The following BRD4 variants were observed in gnomAD, a reference collection of about 807,000 sequenced individuals.
The protein encoded by BRD4 is bromodomain containing 4, also known as bromodomain-containing protein 4.
Under a neutral mutation model 142.1 loss-of-function variants are expected in BRD4, and 16 were observed. The ratio of observed to expected loss-of-function variants is 0.11; its 90% CI spans 0.08 to 0.17. BRD4 has a LOEUF of 0.17. BRD4 is among the 10% of genes least tolerant of loss of function. The pLI, the probability that BRD4 is intolerant of heterozygous loss-of-function variation, is 1.00. For synonymous variants in BRD4, 833 were observed against 707.5 expected (o/e 1.18, Z -2.82); for missense variants, 1,424 against 1,810.9 (o/e 0.79, Z 3.88).
At position 15,272,845 on chromosome 19, in the gene BRD4, C is replaced by T. The variant is rs1278427255; in HGVS notation, c.255G>A (p.Gln85=). Residue 85 remains glutamine, a synonymous_variant, in exon 2 of 20, where the codon CAG becomes CAA. Transcript: ENST00000679869. The part of the protein sequence containing the change: ...WKHQFAWPFQ[Q]PVDAVKLNLP... ...GGTTCAGCTTGACGGCATCCACAGGCTGCTGGAAAGGCCATGCAAACTGGT... is the reference window on the plus strand; with the variant it reads ...GGTTCAGCTTGACGGCATCCACAGGTTGCTGGAAAGGCCATGCAAACTGGT... 3.1e-6 allele frequency: 5 copies of T among 1,613,988 alleles called. No individual in the cohort carries two copies. The Admixed American group carries it at 6.7e-5, about 22-fold the overall frequency.
intron 1 of BRD4, among the ~76,000 whole-genome samples, chr19:15,320,979 A>G (rs1250637758): frequency 1.3e-5 from 2 of 152,208 alleles, no homozygotes; most frequent in Admixed American, 1.3e-4. Context: ...CACGCCTGTA[A>G]TCCCAACACT....
intron 8 of BRD4, 49 bp downstream of exon 8, chr19:15,256,915 C>T (rs2145575390): frequency 6.7e-7 from 1 of 1,490,348 alleles, no homozygotes. Flanking sequence ...GGAGGCCACC[C>T]TGGTCCACGG....
At chr19:15,322,534 C>A (rs1345681855) in intron 1 of BRD4, among the ~76,000 whole-genome samples, 5 of 149,652 alleles carry the variant, frequency 3.3e-5, no homozygotes, top group African/African-American at 1.2e-4. Context: ...ACGGTGAAAC[C>A]CCGTCTCTAC....
At position 15,286,364 on chromosome 19, in the gene BRD4, A is replaced by T. The variant is rs563300297; in HGVS notation, c.-34-13231T>A. Reference sequence around the variant, plus strand: ...GCACAGAAGACGAGAAAGAGACTTCAGCAGCAGAGACAGGGAAGTAATAGG... The same window carrying T: ...GCACAGAAGACGAGAAAGAGACTTCTGCAGCAGAGACAGGGAAGTAATAGG... On this transcript the variant is annotated intron_variant, in intron 1 of 19. Coordinates refer to ENST00000679869, the MANE Select transcript of BRD4 (RefSeq NM_001379291.1). Among the ~76,000 whole-genome samples, 121 of 152,330 alleles carry T rather than the reference A, an allele frequency of 7.9e-4. 1 individual carries two copies. The highest frequency in any genetic ancestry group is 2.2e-3 in the African/African-American group (93 of 41,556).
intron 1 of BRD4, among the ~76,000 whole-genome samples, chr19:15,292,128 C>G (rs1016706328): frequency 6.6e-6 from 1 of 152,182 alleles, no homozygotes; most frequent in Non-Finnish European, 1.5e-5. Flanking sequence ...TATGTTCCAC[C>G]TTTAATTGGG....
At chr19:15,310,761 C>T (rs922111186) in intron 1 of BRD4, among the ~76,000 whole-genome samples, 1 of 151,256 alleles carries the variant, frequency 6.6e-6, no homozygotes, top group Non-Finnish European at 1.5e-5. Context: ...TCCCAAAGTG[C>T]TAGGATTACA....
At chr19:15,294,114 T>A (rs2047804921) in intron 1 of BRD4, among the ~76,000 whole-genome samples, 1 of 152,192 alleles carries the variant, frequency 6.6e-6, no homozygotes, top group South Asian at 2.1e-4. Context: ...AATTAAGAAA[T>A]GGAGCACCAT....
At chr19:15,276,406 TAAC>T (rs928041602) in intron 1 of BRD4, among the ~76,000 whole-genome samples, 4 of 148,530 alleles carry the variant, frequency 2.7e-5, no homozygotes, top group South Asian at 2.3e-4. Flanking sequence ...ATCTAGGCTC[TAAC>T]AACAAGTCAG....
intron 1 of BRD4, among the ~76,000 whole-genome samples, chr19:15,302,468 A>T (rs951568737): frequency 4.6e-5 from 7 of 152,168 alleles, no homozygotes; most frequent in Non-Finnish European, 7.4e-5. Context: ...CAACAGATCA[A>T]GGCCAGCCTG....
chr19:15,320,333 A>G (rs1042075473), intron 1 of BRD4, among the ~76,000 whole-genome samples: 5 of 152,322 alleles, frequency 3.3e-5, no homozygotes, highest in East Asian at 1.9e-4. Context: ...GCCAAGCAGC[A>G]GACTACGAGA....
At chr19:15,273,935 C>T (rs2047618542) in intron 1 of BRD4, among the ~76,000 whole-genome samples, 1 of 151,930 alleles carries the variant, frequency 6.6e-6, no homozygotes, top group African/African-American at 2.4e-5. Context: ...CACTAGGCAC[C>T]CTAGCTGCCA....
chr19:15,305,600 C>T (rs2047906780), intron 1 of BRD4, among the ~76,000 whole-genome samples: 1 of 152,156 alleles, frequency 6.6e-6, no homozygotes, highest in Non-Finnish European at 1.5e-5. Context: ...TTGTTTTTCC[C>T]TTTACAGAGC....
At position 15,257,053 on chromosome 19, in the gene BRD4, T is replaced by C. The variant is rs964801906; in HGVS notation, c.1462A>G (p.Ser488Gly). 2.5e-6 allele frequency: 4 copies of C among 1,602,070 alleles called. No homozygotes were observed. The African/African-American group carries it at 4.0e-5, about 16-fold the overall frequency. The change falls in exon 8 of 20, where the codon AGC becomes GGC. Residue 488 changes from serine (S) to glycine (G), a missense_variant. Physicochemically the swap from Ser to Gly is moderately conservative, Grantham distance 56. Around this residue, in one of 16 missense-constraint regions of BRD4, gnomAD observed 90 missense variants for 93.2 expected, o/e 0.97. Coordinates refer to ENST00000679869, the MANE Select transcript of BRD4 (RefSeq NM_001379291.1). ...CTGTCCGAGGAGCTATCGCTGCTGCTGTCGCTGGATGAGGGCGGGGCCACA... is the reference window on the plus strand; with the variant it reads ...CTGTCCGAGGAGCTATCGCTGCTGCCGTCGCTGGATGAGGGCGGGGCCACA... ...KVVAPPSSSD[S>G]SSDSSSDSDS...
chr19:15,241,793 C>G (rs1215210634), intron 14 of BRD4, among the ~76,000 whole-genome samples: 2 of 149,164 alleles, frequency 1.3e-5, no homozygotes, highest in East Asian at 3.9e-4. Flanking sequence ...CAGAGATCCA[C>G]TTGGCACCTG....
intron 1 of BRD4, among the ~76,000 whole-genome samples, chr19:15,322,881 AAAAG>A (rs972421798): frequency 1.6e-4 from 24 of 146,122 alleles, no homozygotes; most frequent in East Asian, 4.0e-4. Flanking sequence ...AAAAAAAAAA[AAAAG>A]AAAAGAAAAG....
rs2047409503 is a variant in BRD4, at chr19:15,256,413, C to T, written c.1552-150G>A. On this transcript the variant is annotated intron_variant, in intron 8 of 19. Coordinates refer to ENST00000679869, the MANE Select transcript of BRD4 (RefSeq NM_001379291.1). ...GGGGAGGCAGGGGAAGGGAAGGCCCCCAGCTTTGCGCCTGTCATGTTAACC... is the reference window on the plus strand; with the variant it reads ...GGGGAGGCAGGGGAAGGGAAGGCCCTCAGCTTTGCGCCTGTCATGTTAACC... The T allele has an allele frequency of 4.3e-6, 4 of 937,602 alleles. No individual in the cohort carries two copies. In the Admixed American group the frequency reaches 9.4e-5, roughly 22 times the overall value. 58.1% of individuals were successfully genotyped at this position (937,602 alleles called of 1,614,324 possible). A position where few individuals can be genotyped will look rare whatever the true frequency, so the allele number is the denominator to read the frequency against.
rs1364844206 is a variant in BRD4, at chr19:15,235,581, AC to A, written c.*2795del. 1 of 151,006 alleles carries A rather than the reference AC, an allele frequency of 6.6e-6. No individual in the cohort carries two copies. Among genetic ancestry groups the A allele is most frequent in the Non-Finnish European group, 1.5e-5 (1 of 67,664 alleles). 9.4% of individuals were successfully genotyped at this position (151,006 alleles called of 1,614,324 possible). ...GAGAACTGCACAAAAAAAAAAAAAA[AC>A]CTTTCGTATGTAAGTGAAAAGTCTA... On this transcript the variant is annotated 3_prime_UTR_variant, in exon 20 of 20. Coordinates refer to ENST00000679869, the MANE Select transcript of BRD4 (RefSeq NM_001379291.1).
intron 1 of BRD4, among the ~76,000 whole-genome samples, chr19:15,286,233 G>A (rs1227336448): frequency 1.3e-5 from 2 of 152,180 alleles, no homozygotes; most frequent in East Asian, 1.9e-4. Context: ...ATGAGAAAAG[G>A]AGCATAGCCC....
intron 1 of BRD4, among the ~76,000 whole-genome samples, chr19:15,283,973 G>A (rs1008795064): frequency 4.6e-5 from 7 of 152,164 alleles, no homozygotes; most frequent in African/African-American, 9.7e-5. Flanking sequence ...TGATGGGCAC[G>A]AGGAGAGATG....
Sources: gnomAD v4.1 joint callset for allele counts (sites outside exome capture counted in the v4.1 genomes callset) on GRCh38, gnomAD v4.1.1 for gene constraint, gnomAD v4.1.1 regional missense constraint, MANE v1.5 for transcripts, NCBI Gene and HGNC (gene_info 2026-07-23, HGNC 2026-07-21) for gene names.